Variants in CDH12 observed in about 807,000 individuals in gnomAD.
CDH12 encodes cadherin-12.
CDH12 carries 41 observed loss-of-function variants against 74.1 expected under a neutral mutation model. The ratio of observed to expected loss-of-function variants is 0.55; its 90% confidence interval spans 0.43 to 0.72. The LOEUF is 0.72. Ranked by LOEUF, CDH12 falls within the 30% of genes least tolerant of loss-of-function variation. The pLI is 0.00. For synonymous variants in CDH12, 399 were observed against 355.0 expected (o/e 1.12, Z -1.39); for missense variants, 945 against 977.2 (o/e 0.97, Z 0.44).
intron 3 of CDH12, among the ~76,000 whole-genome samples, chr5:22,362,506 T>C (rs1740854399): frequency 6.6e-6 from 1 of 152,146 alleles, no homozygotes; most frequent in Non-Finnish European, 1.5e-5. Context: ...GTTTAACCAT[T>C]GTGGAAGACA....
At chr5:22,527,581 G>T (rs986012667) in intron 1 of CDH12, among the ~76,000 whole-genome samples, 40 of 152,092 alleles carry the variant, frequency 2.6e-4, no homozygotes. Flanking sequence ...GTGAGGTCTG[G>T]CTTACAGAGA....
chr5:22,014,101 C>T (rs568056615), intron 5 of CDH12, among the ~76,000 whole-genome samples: 106 of 152,190 alleles, frequency 7.0e-4, no homozygotes, highest in African/African-American at 2.3e-3. Flanking sequence ...GTGGCATGCA[C>T]CTGTAATTTC....
At chr5:22,485,953 C>T (rs967143044) in intron 2 of CDH12, among the ~76,000 whole-genome samples, 1 of 152,160 alleles carries the variant, frequency 6.6e-6, no homozygotes, top group Non-Finnish European at 1.5e-5. Flanking sequence ...CATTTCTGGT[C>T]CAATAGTGGC....
chr5:22,062,316 G>A lies in CDH12; in HGVS notation c.231+16130C>T, dbSNP rs1249229270. ...TACAATGGACATGGACTATTTGCCA[G>A]GAACATTAGTATATTGTGTCATTTC... is the stretch of plus-strand genomic sequence containing the variant. On this transcript the variant is annotated intron_variant, in intron 5 of 14. Coordinates refer to ENST00000382254, the MANE Select transcript of CDH12 (RefSeq NM_004061.5). 5.9e-5 allele frequency among the ~76,000 whole-genome samples: 9 copies of A among 152,028 alleles called. No individual in the cohort carries two copies. The South Asian group carries it at 1.7e-3, about 28-fold the overall frequency.
chr5:22,579,194 G>C (rs190653674), intron 1 of CDH12, among the ~76,000 whole-genome samples: 1 of 152,224 alleles, frequency 6.6e-6, no homozygotes, highest in Admixed American at 6.5e-5. Context: ...TTAAAAGACG[G>C]AGTTTATGAA....
intron 4 of CDH12, among the ~76,000 whole-genome samples, chr5:22,106,990 A>T (rs1421035513): frequency 6.6e-6 from 1 of 152,106 alleles, no homozygotes; most frequent in Non-Finnish European, 1.5e-5. Context: ...GTTTTTGTTC[A>T]TTTCCCTTGG....
At chr5:22,417,176 A>AG (rs1304039015) in intron 2 of CDH12, among the ~76,000 whole-genome samples, 2 of 152,238 alleles carry the variant, frequency 1.3e-5, no homozygotes, top group African/African-American at 4.8e-5. Flanking sequence ...TTAAGAAAAA[A>AG]TAAACATAAT....
Position 22,031,651 on chromosome 5 carries a change from C to T in CDH12, c.231+46795G>A, listed in dbSNP as rs568314710. 2.6e-5 allele frequency among the ~76,000 whole-genome samples: 4 copies of T among 152,268 alleles called. No individual in the cohort carries two copies. The East Asian group carries it at 7.7e-4, about 29-fold the overall frequency. The stretch of plus-strand genomic sequence containing the variant: ...AAACTCTTTCTTTTACTTGAACACT[C>T]AGAGGCCACTGTAGGGACATTAATT... On this transcript the variant is annotated intron_variant, in intron 5 of 14. Coordinates refer to ENST00000382254, the MANE Select transcript of CDH12 (RefSeq NM_004061.5).
chr5:21,778,466 C>CAAAAAAAAAAAAAAAAAAAAA (rs70957061), intron 11 of CDH12, among the ~76,000 whole-genome samples: 1 of 52,614 alleles, frequency 1.9e-5, no homozygotes, highest in Non-Finnish European at 3.1e-5. Context: ...GCATATAAGC[C>CAAAAAAAAAAAAAAAAAAAAA]AAAAAAAAAA....
intron 3 of CDH12, among the ~76,000 whole-genome samples, chr5:22,276,875 T>C (rs1307742626): frequency 6.6e-6 from 1 of 152,188 alleles, no homozygotes; most frequent in East Asian, 1.9e-4. Flanking sequence ...ATTTCAATAA[T>C]GTATTTAAAT....
At chr5:22,654,529 A>G (rs956691347) in intron 1 of CDH12, among the ~76,000 whole-genome samples, 2 of 151,910 alleles carry the variant, frequency 1.3e-5, no homozygotes, top group Non-Finnish European at 2.9e-5. Context: ...ACCTTAGATG[A>G]TCTGCCTGCC....
intron 7 of CDH12, among the ~76,000 whole-genome samples, chr5:21,851,561 A>T (rs542625625): frequency 1.3e-5 from 2 of 151,262 alleles, no homozygotes; most frequent in East Asian, 3.9e-4. Flanking sequence ...TTATAGTTGT[A>T]GCTACATTTT....
intron 10 of CDH12, among the ~76,000 whole-genome samples, chr5:21,788,216 A>G (rs1238855713): frequency 6.6e-6 from 1 of 152,148 alleles, no homozygotes; most frequent in East Asian, 1.9e-4. Flanking sequence ...AAGAAAACAC[A>G]TTGAATGTAA....
intron 2 of CDH12, among the ~76,000 whole-genome samples, chr5:22,453,600 G>A (rs765491725): frequency 6.6e-6 from 1 of 152,112 alleles, no homozygotes; most frequent in Non-Finnish European, 1.5e-5. Flanking sequence ...AGGCTTATGA[G>A]AGAGGTTGGT....
At chr5:22,565,993 G>A (rs897979294) in intron 1 of CDH12, among the ~76,000 whole-genome samples, 10 of 151,844 alleles carry the variant, frequency 6.6e-5, no homozygotes, top group Admixed American at 1.3e-4. Flanking sequence ...CTAAATTTCC[G>A]CCACTTTAAA....
intron 1 of CDH12, among the ~76,000 whole-genome samples, chr5:22,586,454 T>A (rs958326604): frequency 9.9e-5 from 15 of 151,108 alleles, no homozygotes; most frequent in Middle Eastern, 3.5e-3. Flanking sequence ...AACCTGCACA[T>A]TGTGCACATG....
chr5:22,203,251 T>TC (rs952753130), intron 4 of CDH12, among the ~76,000 whole-genome samples: 32 of 151,030 alleles, frequency 2.1e-4, no homozygotes, highest in African/African-American at 7.2e-4. Flanking sequence ...TCTTTTTCCC[T>TC]CCCCCCGCCA....
intron 4 of CDH12, among the ~76,000 whole-genome samples, chr5:22,211,211 C>T (rs139459126): frequency 0.084 from 12,747 of 151,964 alleles, 977 homozygotes; most frequent in African/African-American, 0.21. Context: ...TCAGGAAATA[C>T]GAGTGCTCAC....
intron 1 of CDH12, among the ~76,000 whole-genome samples, chr5:22,662,135 C>T (rs1740379412): frequency 6.6e-6 from 1 of 151,998 alleles, no homozygotes; most frequent in Admixed American, 6.6e-5. Context: ...CCAAAAAGTT[C>T]CATTATTGTC....
Sources: allele counts gnomAD v4.1 joint callset (sites outside exome capture counted in the v4.1 genomes callset), GRCh38; gene constraint gnomAD v4.1.1; transcripts MANE v1.5; gene names NCBI Gene and HGNC (gene_info 2026-07-23, HGNC 2026-07-21).